DMTF1: variants seen among roughly 807,000 people sequenced by gnomAD.
The protein encoded by DMTF1 is cyclin D binding myb like transcription factor 1.
In DMTF1, 39 loss-of-function variants were observed where a neutral mutation model predicts 91.1. That is an observed-to-expected ratio of 0.43 (90% confidence interval 0.33 to 0.56). The LOEUF (loss-of-function observed/expected upper bound fraction) is 0.56, where lower values mean the gene tolerates loss of function less well. DMTF1 is among the 20% of genes least tolerant of loss of function. The probability of loss-of-function intolerance (pLI) is 0.05; values close to 1 mark genes in which losing one functional copy is unlikely to be tolerated. For synonymous variants in DMTF1, 338 were observed against 309.5 expected (o/e 1.09, Z -0.97); for missense variants, 750 against 914.5 (o/e 0.82, Z 2.32).
chr7:87,171,507 T>C (rs1795063080), intron 5 of DMTF1, among the ~76,000 whole-genome samples: 1 of 152,222 alleles, frequency 6.6e-6, no homozygotes, highest in Non-Finnish European at 1.5e-5. Context: ...TGGTAGTTAA[T>C]GTACTGTGTC....
At chr7:87,173,682 G>GAA in intron 6 of DMTF1, 33 bp downstream of exon 6, 1 of 1,409,300 alleles carries the variant, frequency 7.1e-7, no homozygotes, top group South Asian at 1.2e-5. Flanking sequence ...AGTGCCTAGT[G>GAA]AAAAAAAATG....
intron 1 of DMTF1, among the ~76,000 whole-genome samples, chr7:87,161,814 T>A (rs1260700857): frequency 2.0e-5 from 3 of 152,222 alleles, no homozygotes; most frequent in African/African-American, 7.2e-5. Flanking sequence ...TTGAAGTTTT[T>A]AAAAAATAAC....
intron 13 of DMTF1, among the ~76,000 whole-genome samples, chr7:87,190,468 T>C (rs891228233): frequency 3.9e-5 from 6 of 152,074 alleles, no homozygotes; most frequent in Non-Finnish European, 8.8e-5. Flanking sequence ...GTTCCTGTCT[T>C]TTTGCAGGTT....
chr7:87,175,039 G>A (rs75518556), intron 7 of DMTF1, among the ~76,000 whole-genome samples: 1 of 82,700 alleles, frequency 1.2e-5, no homozygotes, highest in East Asian at 3.6e-4. Context: ...TTTTTTTTTT[G>A]AGACAGTCTT....
At chr7:87,171,411 T>C (rs947416274) in intron 5 of DMTF1, among the ~76,000 whole-genome samples, 3 of 152,198 alleles carry the variant, frequency 2.0e-5, no homozygotes, top group Admixed American at 6.5e-5. Flanking sequence ...GAACTGAAAG[T>C]CAGCATAGTT....
At chr7:87,158,323 C>T (rs760341607) in intron 1 of DMTF1, among the ~76,000 whole-genome samples, 32 of 151,936 alleles carry the variant, frequency 2.1e-4, no homozygotes, top group Non-Finnish European at 3.8e-4. Context: ...AGTACTCAGT[C>T]TTATTAAAAC....
intron 4 of DMTF1, among the ~76,000 whole-genome samples, chr7:87,170,074 T>G (rs1794725406): frequency 6.6e-6 from 1 of 152,196 alleles, no homozygotes; most frequent in Non-Finnish European, 1.5e-5. Flanking sequence ...TTTACAATCT[T>G]CTCCTACTAA....
intron 5 of DMTF1, among the ~76,000 whole-genome samples, chr7:87,173,013 T>TA (rs1387032391): frequency 6.6e-6 from 1 of 152,238 alleles, no homozygotes; most frequent in Non-Finnish European, 1.5e-5. Context: ...AATAATGACT[T>TA]ATGATTGTGC....
chr7:87,184,541 GTT>G lies in DMTF1; in HGVS notation c.966_967del (p.Ser323Ter). On this transcript the variant is annotated frameshift_variant, in exon 11 of 18. Coordinates refer to ENST00000331242, the MANE Select transcript of DMTF1 (RefSeq NM_001142327.2). LOFTEE classifies it high-confidence loss of function. ...GGTACCCGCTCAGAAAAGCAATGTC[GTT>G]CTAAATGGCTCAACTACCTGAATTG... The G allele has an allele frequency of 6.2e-7, 1 of 1,614,042 alleles. No individual in the cohort carries two copies. Among genetic ancestry groups the G allele is most frequent in the African/African-American group, 1.3e-5 (1 of 75,052 alleles).
rs775038353 is a variant in DMTF1 at position 87,193,938 on chromosome 7, AC to A, written c.1865del (p.Thr622MetfsTer22). The A allele has an allele frequency of 6.2e-7, 1 of 1,613,324 alleles. No individual in the cohort carries two copies. Among genetic ancestry groups the A allele is most frequent in the Non-Finnish European group, 8.5e-7 (1 of 1,179,580 alleles). ...FPDEIHHPKM[T>X]VEPSFNDAHV... ...AGATGAAATTCATCACCCTAAGATGACTGTGGAGCCATCATTTAATGATGCT... is the reference window on the plus strand; with the variant it reads ...AGATGAAATTCATCACCCTAAGATGATGTGGAGCCATCATTTAATGATGCT... On this transcript the variant is annotated frameshift_variant, in exon 16 of 18. Coordinates refer to ENST00000331242, the MANE Select transcript of DMTF1 (RefSeq NM_001142327.2). LOFTEE classifies it high-confidence loss of function.
chr7:87,167,467 C>T (rs1794091992), intron 4 of DMTF1, among the ~76,000 whole-genome samples: 1 of 152,204 alleles, frequency 6.6e-6, no homozygotes, highest in Non-Finnish European at 1.5e-5. Context: ...GCACTCTTAG[C>T]ACAAAGGAGG....
intron 1 of DMTF1, among the ~76,000 whole-genome samples, chr7:87,159,132 T>C (rs1206943593): frequency 1.3e-5 from 2 of 152,116 alleles, no homozygotes; most frequent in East Asian, 1.9e-4. Context: ...TAATTCAAAA[T>C]TAAAGTTTTT....
chr7:87,189,459 A>G (rs1342525856), intron 13 of DMTF1, among the ~76,000 whole-genome samples: 1 of 152,130 alleles, frequency 6.6e-6, no homozygotes, highest in Non-Finnish European at 1.5e-5. Context: ...TTGGTTATAA[A>G]TTGATTGGGC....
intron 1 of DMTF1, among the ~76,000 whole-genome samples, chr7:87,153,641 A>G (rs898998236): frequency 1.3e-5 from 2 of 152,302 alleles, no homozygotes; most frequent in Middle Eastern, 3.4e-3. Flanking sequence ...TTTTTAATGT[A>G]CATGGATTTG....
At chr7:87,185,044 G>T (rs1449118885) in intron 11 of DMTF1, 4 of 353,122 alleles carry the variant, frequency 1.1e-5, no homozygotes, top group Non-Finnish European at 2.2e-5. Flanking sequence ...CAAGAAGGGG[G>T]CCCAGTCTGT....
chr7:87,157,142 TC>T (rs1288221435), intron 1 of DMTF1, among the ~76,000 whole-genome samples: 18 of 152,272 alleles, frequency 1.2e-4, no homozygotes, highest in South Asian at 2.1e-4. Context: ...CTGAAAACTG[TC>T]CTTACTGCCT....
At chr7:87,166,710 T>C (rs1015024028) in intron 4 of DMTF1, 105 bp downstream of exon 4, 2 of 1,131,758 alleles carry the variant, frequency 1.8e-6, no homozygotes, top group African/African-American at 3.1e-5. Context: ...TTACTGCTTT[T>C]TTCTTCATTT....
rs1801019375 is a variant in DMTF1 at position 87,195,275 on chromosome 7, T to C, written c.*135T>C. On this transcript the variant is annotated 3_prime_UTR_variant, in exon 18 of 18. Coordinates refer to ENST00000331242, the MANE Select transcript of DMTF1 (RefSeq NM_001142327.2). Reference sequence around the variant, plus strand: ...GCCACAGTCCTTAAGCCACACACATTGTTGCTGCTATGACTTTTTACCTCC... The same window carrying C: ...GCCACAGTCCTTAAGCCACACACATCGTTGCTGCTATGACTTTTTACCTCC... 1 of 622,440 alleles carries C rather than the reference T, an allele frequency of 1.6e-6. No individual in the cohort carries two copies. Among genetic ancestry groups the C allele is most frequent in the African/African-American group, 1.9e-5 (1 of 53,866 alleles). 38.6% of individuals were successfully genotyped at this position (622,440 alleles called of 1,614,324 possible).
chr7:87,158,415 T>G (rs1791357363), intron 1 of DMTF1, among the ~76,000 whole-genome samples: 1 of 151,998 alleles, frequency 6.6e-6, no homozygotes, highest in African/African-American at 2.4e-5. Flanking sequence ...AATCTAAAAT[T>G]TAAGGAATAA....
Sources: gnomAD v4.1 joint callset for allele counts (sites outside exome capture counted in the v4.1 genomes callset) on GRCh38, gnomAD v4.1.1 for gene constraint, MANE v1.5 for transcripts, NCBI Gene and HGNC (gene_info 2026-07-23, HGNC 2026-07-21) for gene names.